Variants in PPDPFL observed in about 807,000 individuals in gnomAD.
PPDPFL encodes pancreatic progenitor cell differentiation and proliferation factor like.
A neutral mutation model predicts 12.6 loss-of-function variants in PPDPFL; 12 were observed. That is an observed-to-expected ratio of 0.95 (90% confidence interval 0.61 to 1.54). The LOEUF (loss-of-function observed/expected upper bound fraction) is 1.54. PPDPFL is among the 40% of genes most tolerant of loss of function. PPDPFL has a pLI of 0.00. For synonymous variants in PPDPFL, 24 were observed against 32.7 expected (o/e 0.73, Z 0.91); for missense variants, 114 against 96.0 (o/e 1.19, Z -0.78).
chr8:49,074,933 G>T, intron 4 of PPDPFL: 1 of 1,376,498 alleles, frequency 7.3e-7, no homozygotes, highest in Non-Finnish European at 9.5e-7. Flanking sequence ...TGCCAATGTT[G>T]AAATATAGTG....
chr8:49,060,408 G>A (rs1808180326), intron 1 of PPDPFL, among the ~76,000 whole-genome samples: 1 of 152,048 alleles, frequency 6.6e-6, no homozygotes, highest in African/African-American at 2.4e-5. Flanking sequence ...CCGCCTCCTG[G>A]GTTTAAGTGA....
At chr8:49,069,252 G>A (rs1382454232), upstream of PPDPFL, among the ~76,000 whole-genome samples, 1 of 152,180 alleles carries the variant, frequency 6.6e-6, no homozygotes, top group Admixed American at 6.5e-5. Flanking sequence ...GGTAGATCAA[G>A]CAGTAACACA....
At chr8:49,063,697 G>A (rs2129244329) in intron 1 of PPDPFL, among the ~76,000 whole-genome samples, 2 of 151,990 alleles carry the variant, frequency 1.3e-5, no homozygotes, top group South Asian at 2.1e-4. Context: ...CAGCCTGGGT[G>A]TCAGAGTGAG....
intron 4 of PPDPFL, 82 bp from the exon 5 acceptor site, chr8:49,075,070 A>G: frequency 6.4e-7 from 1 of 1,552,034 alleles, no homozygotes; most frequent in Non-Finnish European, 8.7e-7. Context: ...GACACTCTTT[A>G]TCAAGTTTAT....
At chr8:49,063,713 G>GAA (rs58245068) in intron 1 of PPDPFL, among the ~76,000 whole-genome samples, 2 of 148,276 alleles carry the variant, frequency 1.3e-5, no homozygotes, top group Admixed American at 6.7e-5. Context: ...GTGAGACCCT[G>GAA]AAAAAAAAAA....
Position 49,075,436 on chromosome 8 carries a change from G to T in PPDPFL, c.*263G>T, listed in dbSNP as rs1466184290. The stretch of plus-strand genomic sequence containing the variant: ...GTTTAGGCATTTTTCTCAACACAAA[G>T]ACTATCGCTGGAAGTGGCACTTGCT... On this transcript the variant is annotated 3_prime_UTR_variant, in exon 5 of 5. Coordinates refer to ENST00000522267, the MANE Select transcript of PPDPFL (RefSeq NM_001256597.2). 3 of 664,954 alleles carry T rather than the reference G, an allele frequency of 4.5e-6. No individual in the cohort carries two copies. Among genetic ancestry groups the T allele is most frequent in the Non-Finnish European group, 7.8e-6 (3 of 382,264 alleles). The allele number at this position is 664,954 out of a possible 1,614,324, so 41.2% of individuals were successfully genotyped here.
intron 4 of PPDPFL, chr8:49,074,670 C>T (rs1469634460): frequency 2.8e-5 from 43 of 1,509,782 alleles, no homozygotes; most frequent in Non-Finnish European, 3.7e-5. Context: ...AAAGAATAAC[C>T]ATTGTCTAGT....
At chr8:49,055,089 C>A (rs1808092025) in intron 1 of PPDPFL, among the ~76,000 whole-genome samples, 1 of 152,168 alleles carries the variant, frequency 6.6e-6, no homozygotes, top group Non-Finnish European at 1.5e-5. Flanking sequence ...TTTCTTTATA[C>A]TTTCTACTTA....
At chr8:49,070,964 C>T (rs1808375734), upstream of PPDPFL, among the ~76,000 whole-genome samples, 2 of 152,092 alleles carry the variant, frequency 1.3e-5, no homozygotes, top group Admixed American at 1.3e-4. Flanking sequence ...TCCTGCTGTA[C>T]ATTAGATCTC....
chr8:49,074,543 G>T, intron 4 of PPDPFL: 2 of 1,536,830 alleles, frequency 1.3e-6, no homozygotes, highest in Non-Finnish European at 1.7e-6. Flanking sequence ...ACCCTTTCCA[G>T]TTCAATCACT....
chr8:49,075,115 T>G, intron 4 of PPDPFL, 37 bp from the exon 5 acceptor site: 1 of 1,608,652 alleles, frequency 6.2e-7, no homozygotes, highest in Non-Finnish European at 8.5e-7. Context: ...TTCATTTATT[T>G]ATCCCCTCCT....
chr8:49,071,528 T>C (rs1172204083), upstream of PPDPFL, among the ~76,000 whole-genome samples: 2 of 152,040 alleles, frequency 1.3e-5, no homozygotes, highest in Admixed American at 6.5e-5. Context: ...TGGTAGCGCG[T>C]GCCTGTAGTC....
At chr8:49,072,970 T>A (rs2129246122) in intron 2 of PPDPFL, 85 bp downstream of exon 2, 1 of 1,211,998 alleles carries the variant, frequency 8.3e-7, no homozygotes, top group East Asian at 2.5e-5. Flanking sequence ...GGTATCATGT[T>A]ACCTTCAGAA....
At chr8:49,062,044 C>T (rs1435708355) in intron 1 of PPDPFL, among the ~76,000 whole-genome samples, 1 of 152,212 alleles carries the variant, frequency 6.6e-6, no homozygotes. Context: ...TTCTAACCTG[C>T]CCATTGGACA....
chr8:49,054,953 T>A (rs1808089637), intron 1 of PPDPFL, among the ~76,000 whole-genome samples: 1 of 152,128 alleles, frequency 6.6e-6, no homozygotes, highest in Non-Finnish European at 1.5e-5. Context: ...AGCTCTATTT[T>A]CCGTGTGTGC....
At position 49,074,254 on chromosome 8, in the gene PPDPFL, T is replaced by C. The variant is rs760849612; in HGVS notation, c.154T>C (p.Ser52Pro). The change falls in exon 4 of 5, where the codon TCC becomes CCC. Residue 52 changes from serine to proline, a missense_variant. Coordinates refer to ENST00000522267, the MANE Select transcript of PPDPFL (RefSeq NM_001256597.2). ...AATAGGGTTGCCTGAAGTGGCAGAA[T>C]CCACCTGGTGGTTTAAATCGTTTTT... ...PQQGLPEVAE[S>P]TWWFKSFFHS... 4.3e-6 allele frequency: 7 copies of C among 1,614,004 alleles called. No individual in the cohort carries two copies. The South Asian group carries it at 7.7e-5, about 18-fold the overall frequency.
rs1033703201 is a variant in PPDPFL, at chr8:49,075,394, C to A, written c.*221C>A. ...CATTTATGAGACAAGATCACAGCAGCCACTGATATAAAAAAAGTTTAGGCA... is the reference window on the plus strand; with the variant it reads ...CATTTATGAGACAAGATCACAGCAGACACTGATATAAAAAAAGTTTAGGCA... On this transcript the variant is annotated 3_prime_UTR_variant, in exon 5 of 5. Transcript: ENST00000522267. The A allele has an allele frequency of 3.2e-6, 3 of 942,048 alleles. No homozygotes were observed. The highest frequency in any genetic ancestry group is 5.1e-6 in the Non-Finnish European group (3 of 593,608). The allele number at this position is 942,048 out of a possible 1,614,324, so 58.4% of individuals were successfully genotyped here.
intron 1 of PPDPFL, 89 bp from the exon 2 acceptor site, chr8:49,072,695 AATG>A (rs1202513632): frequency 2.6e-5 from 15 of 584,168 alleles, no homozygotes; most frequent in Middle Eastern, 5.3e-4. Flanking sequence ...TTACATGGTA[AATG>A]ATAATACTTT....
intron 1 of PPDPFL, among the ~76,000 whole-genome samples, chr8:49,065,809 C>T (rs1005859183): frequency 5.3e-5 from 8 of 152,168 alleles, no homozygotes; most frequent in African/African-American, 1.2e-4. Context: ...CTTGGCAGCC[C>T]GGCATCTGAA....
Sources: allele counts gnomAD v4.1 joint callset (sites outside exome capture counted in the v4.1 genomes callset), GRCh38; gene constraint gnomAD v4.1.1; transcripts MANE v1.5; gene names NCBI Gene and HGNC (gene_info 2026-07-23, HGNC 2026-07-21).